Variants in LYPD6B observed in about 807,000 individuals in gnomAD.
LYPD6B encodes ly6/PLAUR domain-containing protein 6B.
A neutral mutation model predicts 22.8 loss-of-function variants in LYPD6B; 17 were observed. The ratio of observed to expected loss-of-function variants is 0.75; its 90% confidence interval spans 0.51 to 1.12. The LOEUF is 1.12. LYPD6B is among the 50% of genes most tolerant of loss of function. The pLI, the probability that LYPD6B is intolerant of heterozygous loss-of-function variation, is 0.00. For synonymous variants in LYPD6B, 106 were observed against 91.6 expected (o/e 1.16, Z -0.90); for missense variants, 221 against 258.3 (o/e 0.86, Z 0.99).
chr2:149,109,024 G>C (rs1686631329), intron 1 of LYPD6B, among the ~76,000 whole-genome samples: 2 of 151,628 alleles, frequency 1.3e-5, no homozygotes, highest in Non-Finnish European at 2.9e-5. Context: ...CATATGTAAG[G>C]GTCCCCACAA....
At chr2:149,186,024 C>A (rs533543065) in intron 3 of LYPD6B, among the ~76,000 whole-genome samples, 3 of 152,222 alleles carry the variant, frequency 2.0e-5, no homozygotes, top group African/African-American at 4.8e-5. Context: ...TTGAGACATA[C>A]ACTATTGAAA....
intron 1 of LYPD6B, among the ~76,000 whole-genome samples, chr2:149,071,013 T>C (rs947520432): frequency 6.6e-6 from 1 of 152,162 alleles, no homozygotes; most frequent in Non-Finnish European, 1.5e-5. Flanking sequence ...GATTTACTTA[T>C]CATTTAGTTC....
intron 2 of LYPD6B, among the ~76,000 whole-genome samples, chr2:149,140,735 G>A (rs1283869984): frequency 6.6e-6 from 1 of 152,206 alleles, no homozygotes; most frequent in Non-Finnish European, 1.5e-5. Flanking sequence ...GGAAATAAAT[G>A]CCTGGTGAAT....
At chr2:149,054,151 G>T (rs1683686318) in intron 1 of LYPD6B, among the ~76,000 whole-genome samples, 1 of 152,178 alleles carries the variant, frequency 6.6e-6, no homozygotes, top group Non-Finnish European at 1.5e-5. Context: ...GTAACTGTAT[G>T]TTTAACCTTT....
intron 3 of LYPD6B, among the ~76,000 whole-genome samples, chr2:149,203,089 G>A (rs891969002): frequency 1.3e-5 from 2 of 152,072 alleles, no homozygotes; most frequent in Non-Finnish European, 2.9e-5. Flanking sequence ...CACTCAGCGC[G>A]TGCAAACTAT....
intron 3 of LYPD6B, among the ~76,000 whole-genome samples, chr2:149,172,145 T>G (rs1690877799): frequency 6.6e-6 from 1 of 152,128 alleles, no homozygotes. Flanking sequence ...ATGTCCTTCT[T>G]CACATGGCGG....
chr2:149,134,809 G>T (rs1688258389), intron 2 of LYPD6B, among the ~76,000 whole-genome samples: 1 of 152,238 alleles, frequency 6.6e-6, no homozygotes, highest in South Asian at 2.1e-4. Flanking sequence ...ACTTGATCAA[G>T]ATCTTTGGAA....
At chr2:149,180,496 C>G (rs2105985486) in intron 3 of LYPD6B, among the ~76,000 whole-genome samples, 1 of 152,238 alleles carries the variant, frequency 6.6e-6, no homozygotes, top group South Asian at 2.1e-4. Context: ...TGGCCTTAGT[C>G]TTAGCCCCCC....
At position 149,195,972 on chromosome 2, in the gene LYPD6B, G is replaced by T. The variant is rs191538681; in HGVS notation, c.78-9281G>T. Among the ~76,000 whole-genome samples, 243 of 152,274 alleles carry T rather than the reference G, an allele frequency of 1.6e-3. 1 individual carries two copies. The highest frequency in any genetic ancestry group is 2.6e-3 in the Non-Finnish European group (174 of 68,030). ...CCAGGCCTGAGTGCCTCCAGAGGCC[G>T]GTTTCTCCCCATTATACTAGGCAGC... On this transcript the variant is annotated intron_variant, in intron 3 of 6. Coordinates refer to ENST00000409642, the MANE Select transcript of LYPD6B (RefSeq NM_177964.5).
chr2:149,043,578 A>G (rs1407065977), intron 1 of LYPD6B, among the ~76,000 whole-genome samples: 1 of 152,144 alleles, frequency 6.6e-6, no homozygotes, highest in Non-Finnish European at 1.5e-5. Flanking sequence ...TACTTCTCCC[A>G]GCGACTGCCT....
At position 149,122,423 on chromosome 2, in the gene LYPD6B, C is replaced by CT. The variant is rs956331234; in HGVS notation, c.-66-8451dup. Among the ~76,000 whole-genome samples the CT allele has an allele frequency of 2.0e-4, 29 of 148,300 alleles. No homozygotes were observed. The South Asian group carries it at 2.4e-3, about 12-fold the overall frequency. On this transcript the variant is annotated intron_variant, in intron 1 of 6. Coordinates refer to ENST00000409642, the MANE Select transcript of LYPD6B (RefSeq NM_177964.5). ...TTAAAAATTATTATTTTTTCTTTTT[C>CT]TTTTTTTTTATTATACTTTAAGTTC...
chr2:149,144,250 G>C (rs1688874518), intron 2 of LYPD6B, among the ~76,000 whole-genome samples: 1 of 152,288 alleles, frequency 6.6e-6, no homozygotes, highest in East Asian at 1.9e-4. Flanking sequence ...TGGCCTACAA[G>C]CTCAGAATGA....
chr2:149,114,031 T>A (rs1186375511), intron 1 of LYPD6B, among the ~76,000 whole-genome samples: 1 of 152,144 alleles, frequency 6.6e-6, no homozygotes, highest in Admixed American at 6.5e-5. Context: ...CCTTCCTCTT[T>A]CCCTCTGAAA....
intron 3 of LYPD6B, among the ~76,000 whole-genome samples, chr2:149,193,519 G>A (rs746053196): frequency 1.3e-5 from 2 of 152,220 alleles, no homozygotes; most frequent in Non-Finnish European, 2.9e-5. Flanking sequence ...GGGAGTAGAA[G>A]AGGGGGAAGA....
chr2:149,118,729 T>C (rs1286643310), intron 1 of LYPD6B, among the ~76,000 whole-genome samples: 3 of 152,228 alleles, frequency 2.0e-5, no homozygotes, highest in African/African-American at 7.2e-5. Flanking sequence ...CTGACCCCAT[T>C]TTAACTATGA....
rs1218233056 is a variant in LYPD6B, at chr2:149,074,263, T to C, written c.-67+35462T>C. ...ACGTGCACACACATGCATACACGCA[T>C]GCATGCACACACACACACACACACA... On this transcript the variant is annotated intron_variant, in intron 1 of 6. Transcript: ENST00000409642. 5.5e-5 allele frequency among the ~76,000 whole-genome samples: 7 copies of C among 126,442 alleles called. No homozygotes were observed. In the East Asian group the frequency reaches 1.4e-3, roughly 26 times the overall value. The allele number at this position is 126,442 out of a possible 152,430, so 83.0% of individuals were successfully genotyped here.
Position 149,076,697 on chromosome 2 carries a change from T to C in LYPD6B, c.-67+37896T>C, listed in dbSNP as rs191400262. Among the ~76,000 whole-genome samples, 22 of 152,310 alleles carry C rather than the reference T, an allele frequency of 1.4e-4. 1 individual carries two copies. The highest frequency in any genetic ancestry group is 1.3e-3 in the Admixed American group (20 of 15,302). Reference sequence around the variant, plus strand: ...GTTAATGCTGGTTGTGTATATGTGATGAAATTTTAAAAAAACTGTTCTGGA... The same window carrying C: ...GTTAATGCTGGTTGTGTATATGTGACGAAATTTTAAAAAAACTGTTCTGGA... On this transcript the variant is annotated intron_variant, in intron 1 of 6. Coordinates refer to ENST00000409642, the MANE Select transcript of LYPD6B (RefSeq NM_177964.5).
At chr2:149,049,698 A>G (rs903554323) in intron 1 of LYPD6B, among the ~76,000 whole-genome samples, 2 of 152,082 alleles carry the variant, frequency 1.3e-5, no homozygotes, top group African/African-American at 4.8e-5. Flanking sequence ...TTGTTTGGGG[A>G]CACATGACAT....
At chr2:149,121,131 A>C (rs1687329747) in intron 1 of LYPD6B, among the ~76,000 whole-genome samples, 1 of 152,182 alleles carries the variant, frequency 6.6e-6, no homozygotes, top group Admixed American at 6.5e-5. Context: ...ATAGTTCATT[A>C]AGTTGATATG....
Sources: gnomAD v4.1 joint callset for allele counts (sites outside exome capture counted in the v4.1 genomes callset) on GRCh38, gnomAD v4.1.1 for gene constraint, MANE v1.5 for transcripts, NCBI Gene and HGNC (gene_info 2026-07-23, HGNC 2026-07-21) for gene names.